The following SLC26A2 variants were observed in gnomAD, a reference collection of about 807,000 sequenced individuals.
The protein encoded by SLC26A2 is sulfate transporter.
SLC26A2 carries 36 observed loss-of-function variants against 41.1 expected under a neutral mutation model. That is an observed-to-expected ratio of 0.88 (90% confidence interval 0.67 to 1.16). The LOEUF (loss-of-function observed/expected upper bound fraction) is 1.16, where lower values mean the gene tolerates loss of function less well. Among genes scored for constraint, SLC26A2 ranks in the 50% most tolerant of loss-of-function variants. The pLI is 0.00. For missense variants in SLC26A2, 796 were observed against 869.6 expected (o/e 0.92, Z 1.07); for synonymous variants, 291 against 311.6 (o/e 0.93, Z 0.70).
chr5:149,968,741 C>CA (rs1754849199), intron 1 of SLC26A2, among the ~76,000 whole-genome samples: 1 of 132,400 alleles, frequency 7.6e-6, no homozygotes, highest in Non-Finnish European at 1.6e-5. Context: ...TTTTTTGAGA[C>CA]GGACTCTCGG....
At position 149,981,244 on chromosome 5, in the gene SLC26A2, A is replaced by T; in HGVS notation, c.1651A>T (p.Ser551Cys). The T allele has an allele frequency of 6.2e-7, 1 of 1,614,164 alleles. No individual in the cohort carries two copies. Among genetic ancestry groups the T allele is most frequent in the Non-Finnish European group, 8.5e-7 (1 of 1,180,014 alleles). Residue 551 changes from serine (S) to cysteine (C), a missense_variant, in exon 3 of 3, where the codon AGT (serine) becomes TGT (cysteine). Coordinates refer to ENST00000286298, the MANE Select transcript of SLC26A2 (RefSeq NM_000112.4). Reference protein sequence around the residue: ...CVILRTQKPKSSLLGLVEESE... With the variant: ...CVILRTQKPKCSLLGLVEESE... ...CATCCTCCGCACTCAGAAGCCAAAG[A>T]GTTCACTGCTTGGCTTGGTGGAAGA...
intron 1 of SLC26A2, among the ~76,000 whole-genome samples, chr5:149,968,571 T>C (rs1341721567): frequency 1.4e-4 from 18 of 128,592 alleles, no homozygotes; most frequent in South Asian, 5.0e-4. Context: ...CCACCATGCC[T>C]GGCTAATTTT....
intron 1 of SLC26A2, among the ~76,000 whole-genome samples, chr5:149,976,994 C>G (rs1398540457): frequency 6.6e-6 from 1 of 152,230 alleles, no homozygotes; most frequent in Non-Finnish European, 1.5e-5. Context: ...ATTGACTTCT[C>G]TCTCCTCTTT....
intron 1 of SLC26A2, among the ~76,000 whole-genome samples, chr5:149,963,601 GA>G (rs1175727856): frequency 6.6e-6 from 1 of 152,012 alleles, no homozygotes; most frequent in Non-Finnish European, 1.5e-5. Flanking sequence ...TTTTAGTAGA[GA>G]GGGGGTTTCA....
chr5:149,980,670 T>C lies in SLC26A2; in HGVS notation c.1077T>C (p.Ser359=). ...FGKLHENYNS[S]IAGHIPTGFM... Reference sequence around the variant, plus strand: ...AACTACATGAAAATTATAATTCTAGTATTGCTGGACATATTCCCACTGGGT... The same window carrying C: ...AACTACATGAAAATTATAATTCTAGCATTGCTGGACATATTCCCACTGGGT... The change falls in exon 3 of 3, where the codon AGT becomes AGC. Residue 359 remains serine (S), a synonymous_variant. Transcript: ENST00000286298. The C allele has an allele frequency of 6.2e-7, 1 of 1,614,026 alleles. No individual in the cohort carries two copies. Among genetic ancestry groups the C allele is most frequent in the Non-Finnish European group, 8.5e-7 (1 of 1,179,920 alleles).
chr5:149,963,120 A>T (rs939731230), intron 1 of SLC26A2, among the ~76,000 whole-genome samples: 46 of 121,588 alleles, frequency 3.8e-4, no homozygotes, highest in African/African-American at 1.2e-3. Context: ...TTATTTATTT[A>T]TTTTTTGAGA....
rs760707226 is a variant in SLC26A2 at position 149,980,416 on chromosome 5, C to T, written c.823C>T (p.Leu275Phe). The T allele has an allele frequency of 1.9e-6, 3 of 1,613,966 alleles. No individual in the cohort carries two copies. The highest frequency in any genetic ancestry group is 2.5e-6 in the Non-Finnish European group (3 of 1,180,008). The change falls in exon 3 of 3, where the codon CTC (leucine) becomes TTC (phenylalanine). Residue 275 changes from leucine (L) to phenylalanine (F), a missense_variant. Transcript: ENST00000286298. ...LTSQAKYLLG[L>F]NLPRTNGVGS... is the part of the protein sequence containing the mutation. Reference sequence around the variant, plus strand: ...ATCTCAGGCCAAGTATCTTCTTGGGCTCAACCTTCCTCGGACTAATGGTGT... The same window carrying T: ...ATCTCAGGCCAAGTATCTTCTTGGGTTCAACCTTCCTCGGACTAATGGTGT...
At chr5:149,973,775 T>C (rs1023509533) in intron 1 of SLC26A2, among the ~76,000 whole-genome samples, 3 of 152,028 alleles carry the variant, frequency 2.0e-5, no homozygotes, top group African/African-American at 7.2e-5. Context: ...GCTGGGACCA[T>C]AGGCACACAC....
In SLC26A2 at chr5:149,980,381, C is replaced by T. The variant is rs1442719336; in HGVS notation, c.788C>T (p.Thr263Ile). ...LSGFVTGASF[T>I]ILTSQAKYLL... ...GGATTTGTCACTGGTGCCTCCTTCA[C>T]TATTCTTACATCTCAGGCCAAGTAT... The change falls in exon 3 of 3, where the codon ACT (threonine) becomes ATT (isoleucine). Residue 263 changes from threonine to isoleucine, a missense_variant. Transcript: ENST00000286298. 6.2e-7 allele frequency: 1 copy of T among 1,614,016 alleles called. No individual in the cohort carries two copies. The highest frequency in any genetic ancestry group is 1.3e-5 in the African/African-American group (1 of 74,918).
chr5:149,981,459 A>AG lies in SLC26A2; in HGVS notation c.1867dup (p.Glu623GlyfsTer12). 1 of 1,614,196 alleles carries AG rather than the reference A, an allele frequency of 6.2e-7. No individual in the cohort carries two copies. Among genetic ancestry groups the AG allele is most frequent in the East Asian group, 2.2e-5 (1 of 44,880 alleles). On this transcript the variant is annotated frameshift_variant, in exon 3 of 3. Coordinates refer to ENST00000286298, the MANE Select transcript of SLC26A2 (RefSeq NM_000112.4). LOFTEE classifies it high-confidence loss of function. ...AGAAGGCAGCAAAGAGAAAGATCAA[A>AG]GAAAAAGTAGTGACTCTTGGTGGAA...
At chr5:149,972,229 G>C (rs1042335883) in intron 1 of SLC26A2, among the ~76,000 whole-genome samples, 14 of 152,194 alleles carry the variant, frequency 9.2e-5, no homozygotes, top group Admixed American at 8.5e-4. Flanking sequence ...GTAGTCAGCA[G>C]CTTCTAGTTT....
In SLC26A2 at chr5:149,963,082, A is replaced by ATATATATTTATTTATT. The variant is rs1453062185; in HGVS notation, c.-26+2106_-26+2107insATATTTATTTATTTAT. Among the ~76,000 whole-genome samples, 167 of 138,128 alleles carry ATATATATTTATTTATT rather than the reference A, an allele frequency of 1.2e-3. 3 individuals carry two copies. The highest frequency in any genetic ancestry group is 4.4e-3 in the African/African-American group (156 of 35,198). The allele number at this position is 138,128 out of a possible 152,430, so 90.6% of individuals were successfully genotyped here. On this transcript the variant is annotated intron_variant, in intron 1 of 2. Coordinates refer to ENST00000286298, the MANE Select transcript of SLC26A2 (RefSeq NM_000112.4). ...AAATGGCAGCAATGGCAGTGGTGCT[A>ATATATATTTATTTATT]TATTTATTTATTTATTTATTTATTT...
In SLC26A2 at chr5:149,979,097, G is replaced by A. The variant is rs777030317; in HGVS notation, c.699+746G>A. 9.8e-4 allele frequency among the ~76,000 whole-genome samples: 149 copies of A among 151,942 alleles called. 1 individual carries two copies. The highest frequency in any genetic ancestry group is 1.8e-3 in the Non-Finnish European group (123 of 67,998). ...TCTTACTAAAGGTAGTGGTTGTCTT[G>A]GATTGTTGGGGAGGGAGGGAAAAAG... On this transcript the variant is annotated intron_variant, in intron 2 of 2. Transcript: ENST00000286298.
At position 149,978,693 on chromosome 5, in the gene SLC26A2, CT is replaced by C. The variant is rs777260569; in HGVS notation, c.699+355del. On this transcript the variant is annotated intron_variant, in intron 2 of 2. Transcript: ENST00000286298. ...GAGTTGAGAGTGCAGGAGTTTCTCA[CT>C]TTTTTTTTTTTTCTGGAGACAGGGT... Among the ~76,000 whole-genome samples, 461 of 142,936 alleles carry C rather than the reference CT, an allele frequency of 3.2e-3. 3 individuals are homozygous for C. The highest frequency in any genetic ancestry group is 9.3e-3 in the African/African-American group (367 of 39,374). 93.8% of individuals were successfully genotyped at this position (142,936 alleles called of 152,430 possible).
intron 1 of SLC26A2, among the ~76,000 whole-genome samples, chr5:149,963,650 G>C (rs1387808489): frequency 6.6e-6 from 1 of 151,552 alleles, no homozygotes; most frequent in African/African-American, 2.4e-5. Context: ...CCTGGCCTCA[G>C]GTGATCCACC....
At chr5:149,967,299 C>G (rs181025508) in intron 1 of SLC26A2, among the ~76,000 whole-genome samples, 1 of 152,062 alleles carries the variant, frequency 6.6e-6, no homozygotes, top group Non-Finnish European at 1.5e-5. Context: ...CAAAGGTACT[C>G]TCTCTATATA....
chr5:149,972,816 C>G (rs1469894780), intron 1 of SLC26A2, among the ~76,000 whole-genome samples: 3 of 148,844 alleles, frequency 2.0e-5, no homozygotes, highest in Non-Finnish European at 2.9e-5. Context: ...TACCATCTTA[C>G]TGGCTGTCTT....
In SLC26A2 at chr5:149,980,131, A is replaced by G. The variant is rs115334182; in HGVS notation, c.700-162A>G. On this transcript the variant is annotated intron_variant, in intron 2 of 2. Coordinates refer to ENST00000286298, the MANE Select transcript of SLC26A2 (RefSeq NM_000112.4). ...GCTTAGCCCTTTAAACATAATTTTC[A>G]TCTTTGTAAAATGAGAAGATTGATA... 2.3e-3 allele frequency among the ~76,000 whole-genome samples: 343 copies of G among 152,326 alleles called. 1 individual carries two copies. Among genetic ancestry groups the G allele is most frequent in the African/African-American group, 8.0e-3 (332 of 41,566 alleles).
chr5:149,963,099 T>TA (rs1754740956), intron 1 of SLC26A2, among the ~76,000 whole-genome samples: 4 of 151,038 alleles, frequency 2.6e-5, no homozygotes, highest in African/African-American at 9.7e-5. Flanking sequence ...TTTATTTATT[T>TA]ATTTATTTAT....
Sources: allele counts gnomAD v4.1 joint callset (sites outside exome capture counted in the v4.1 genomes callset), GRCh38; gene constraint gnomAD v4.1.1; transcripts MANE v1.5; gene names NCBI Gene and HGNC (gene_info 2026-07-23, HGNC 2026-07-21).